The following CSMD1 variants were observed in gnomAD, a reference collection of about 807,000 sequenced individuals.
The protein encoded by CSMD1 is CUB and Sushi multiple domains 1, also known as CUB and sushi domain-containing protein 1.
In CSMD1, 213 loss-of-function variants were observed where a neutral mutation model predicts 417.5. The observed-to-expected ratio is 0.51, with a 90% CI of 0.46 to 0.57. CSMD1 has a LOEUF of 0.57. Among genes scored for constraint, CSMD1 ranks in the 20% least tolerant of loss-of-function variants. CSMD1 has a pLI of 0.00. For synonymous variants in CSMD1, 2,862 were observed against 1,736.8 expected (o/e 1.65, Z -16.11); for missense variants, 6,923 against 4,529.7 (o/e 1.53, Z -15.17).
chr8:3,555,552 C>T (rs906457051), intron 10 of CSMD1, among the ~76,000 whole-genome samples: 1 of 152,176 alleles, frequency 6.6e-6, no homozygotes, highest in African/African-American at 2.4e-5. Context: ...AACTTAAACG[C>T]TTGCTTCACT....
At chr8:4,238,939 A>G (rs146848537) in intron 3 of CSMD1, among the ~76,000 whole-genome samples, 192 of 152,252 alleles carry the variant, frequency 1.3e-3, no homozygotes, top group African/African-American at 4.6e-3. Flanking sequence ...ATGATTTTCT[A>G]CCCTGTTCTT....
intron 7 of CSMD1, among the ~76,000 whole-genome samples, chr8:3,649,052 G>C (rs2117368898): frequency 6.6e-6 from 1 of 152,150 alleles, no homozygotes; most frequent in South Asian, 2.1e-4. Context: ...GGAAGAACAA[G>C]ATTTAAAGCC....
chr8:3,168,248 C>T (rs985417299), intron 37 of CSMD1, among the ~76,000 whole-genome samples: 4 of 152,050 alleles, frequency 2.6e-5, no homozygotes, highest in Admixed American at 1.3e-4. Context: ...CTATGTGGAA[C>T]GTAAGTGGTT....
At chr8:3,129,650 C>CT (rs1817686523) in intron 41 of CSMD1, among the ~76,000 whole-genome samples, 1 of 151,554 alleles carries the variant, frequency 6.6e-6, no homozygotes, top group Non-Finnish European at 1.5e-5. Context: ...TGACACACAC[C>CT]TGTAATCCCA....
intron 49 of CSMD1, among the ~76,000 whole-genome samples, chr8:3,081,846 T>C (rs1814125249): frequency 6.6e-6 from 1 of 152,206 alleles, no homozygotes; most frequent in African/African-American, 2.4e-5. Flanking sequence ...CACTGCCTCA[T>C]TACTGGTAAT....
intron 42 of CSMD1, among the ~76,000 whole-genome samples, chr8:3,116,265 G>T (rs572684492): frequency 6.6e-5 from 10 of 152,072 alleles, no homozygotes; most frequent in Admixed American, 4.6e-4. Flanking sequence ...TACATGAATC[G>T]TGCGTTTCGG....
chr8:4,025,022 T>G (rs995626242), intron 4 of CSMD1, among the ~76,000 whole-genome samples: 2 of 152,184 alleles, frequency 1.3e-5, no homozygotes, highest in Admixed American at 6.5e-5. Flanking sequence ...GGTGATTACA[T>G]AGGTAGAATT....
chr8:4,008,013 G>C (rs897028945), intron 4 of CSMD1, among the ~76,000 whole-genome samples: 1 of 152,178 alleles, frequency 6.6e-6, no homozygotes, highest in African/African-American at 2.4e-5. Context: ...TCCATAAGAG[G>C]TTTATTTGTG....
At chr8:3,089,418 C>T (rs868299892) in intron 48 of CSMD1, among the ~76,000 whole-genome samples, 7 of 152,242 alleles carry the variant, frequency 4.6e-5, no homozygotes, top group Admixed American at 4.6e-4. Flanking sequence ...TCCAGAACCA[C>T]TGTTCGCAGG....
At position 3,164,774 on chromosome 8, in the gene CSMD1, A is replaced by C. The variant is rs536293386; in HGVS notation, c.5726-2497T>G. ...ATTACAAAAACAGGTTCCAAATATCAAGACAAAATATTTTGAAATGAAAAG... is the reference window on the plus strand; with the variant it reads ...ATTACAAAAACAGGTTCCAAATATCCAGACAAAATATTTTGAAATGAAAAG... On this transcript the variant is annotated intron_variant, in intron 37 of 69. Coordinates refer to ENST00000635120, the MANE Select transcript of CSMD1 (RefSeq NM_033225.6). Among the ~76,000 whole-genome samples, 4 of 152,338 alleles carry C rather than the reference A, an allele frequency of 2.6e-5. No individual in the cohort carries two copies. In the South Asian group the frequency reaches 8.3e-4, roughly 32 times the overall value.
intron 23 of CSMD1, among the ~76,000 whole-genome samples, chr8:3,316,001 A>C (rs970126260): frequency 1.3e-5 from 2 of 152,222 alleles, no homozygotes; most frequent in African/African-American, 2.4e-5. Flanking sequence ...GAAATAATTC[A>C]AATTATTCAC....
chr8:3,182,497 G>A (rs796788848), intron 36 of CSMD1, among the ~76,000 whole-genome samples: 99 of 152,168 alleles, frequency 6.5e-4, no homozygotes, highest in African/African-American at 2.3e-3. Flanking sequence ...TTACAGGTGT[G>A]AGCCACTGCA....
At chr8:3,280,368 A>G (rs1249674345) in intron 26 of CSMD1, among the ~76,000 whole-genome samples, 1 of 152,248 alleles carries the variant, frequency 6.6e-6, no homozygotes, top group Non-Finnish European at 1.5e-5. Context: ...ATTAGAGGTC[A>G]AGATAGAAAC....
chr8:4,163,393 T>C (rs977367751), intron 3 of CSMD1, among the ~76,000 whole-genome samples: 7 of 152,188 alleles, frequency 4.6e-5, no homozygotes, highest in Non-Finnish European at 7.3e-5. Context: ...AAGACAGCAA[T>C]CTACATTGTT....
chr8:3,277,404 G>C (rs1034853585), intron 26 of CSMD1, among the ~76,000 whole-genome samples: 10 of 152,148 alleles, frequency 6.6e-5, no homozygotes, highest in African/African-American at 2.4e-4. Context: ...AGCAAGGCAG[G>C]GCAGCTCAGA....
At chr8:4,065,956 G>T (rs762942195) in intron 3 of CSMD1, among the ~76,000 whole-genome samples, 1 of 152,168 alleles carries the variant, frequency 6.6e-6, no homozygotes, top group Non-Finnish European at 1.5e-5. Context: ...AATCATTGAT[G>T]TTCGTCCAAT....
chr8:4,135,709 AT>A (rs1381867774), intron 3 of CSMD1, among the ~76,000 whole-genome samples: 9 of 152,200 alleles, frequency 5.9e-5, no homozygotes, highest in Admixed American at 4.6e-4. Context: ...TATTATTGTA[AT>A]AATATAATTC....
At chr8:2,994,426 C>A (rs993900910) in intron 54 of CSMD1, among the ~76,000 whole-genome samples, 8 of 152,154 alleles carry the variant, frequency 5.3e-5, no homozygotes, top group Admixed American at 2.6e-4. Flanking sequence ...GGTGAGGACG[C>A]AGGTGCTGAT....
intron 37 of CSMD1, among the ~76,000 whole-genome samples, chr8:3,171,279 T>G (rs1034230311): frequency 6.6e-6 from 1 of 152,190 alleles, no homozygotes; most frequent in African/African-American, 2.4e-5. Context: ...TTTTACTTAT[T>G]CAACAGGAAG....
Sources: gnomAD v4.1 joint callset for allele counts (sites outside exome capture counted in the v4.1 genomes callset) on GRCh38, gnomAD v4.1.1 for gene constraint, MANE v1.5 for transcripts, NCBI Gene and HGNC (gene_info 2026-07-23, HGNC 2026-07-21) for gene names.